GRM8: variants seen among roughly 807,000 people sequenced by gnomAD.
The protein encoded by GRM8 is glutamate metabotropic receptor 8.
In GRM8, 47 loss-of-function variants were observed where a neutral mutation model predicts 87.2. The ratio of observed to expected loss-of-function variants is 0.54; its 90% CI spans 0.43 to 0.69. The LOEUF (loss-of-function observed/expected upper bound fraction) is 0.69, where lower values mean the gene tolerates loss of function less well. GRM8 is among the 30% of genes least tolerant of loss of function. The pLI is 0.00. For missense variants in GRM8, 1,019 were observed against 1,139.2 expected, an observed-to-expected ratio of 0.89 and a Z score of 1.52; for synonymous variants, 396 against 404.5, an observed-to-expected ratio of 0.98 and a Z score of 0.25.
intron 7 of GRM8, among the ~76,000 whole-genome samples, chr7:126,649,309 G>C (rs903371148): frequency 6.6e-6 from 1 of 152,094 alleles, no homozygotes; most frequent in Non-Finnish European, 1.5e-5. Context: ...CTAATCAGCT[G>C]CCAGCACAGC....
At chr7:126,953,106 TAAAAG>T (rs2131618155) in intron 3 of GRM8, among the ~76,000 whole-genome samples, 1 of 152,174 alleles carries the variant, frequency 6.6e-6, no homozygotes, top group Non-Finnish European at 1.5e-5. Flanking sequence ...AATTTAAAGT[TAAAAG>T]AAAAGGTATT....
intron 9 of GRM8, among the ~76,000 whole-genome samples, chr7:126,467,078 G>C (rs888573058): frequency 6.6e-6 from 1 of 151,824 alleles, no homozygotes; most frequent in Non-Finnish European, 1.5e-5. Context: ...ACCTGCCATG[G>C]TGGTTTGCTG....
chr7:127,015,797 T>C (rs554264339), intron 3 of GRM8, among the ~76,000 whole-genome samples: 1 of 152,194 alleles, frequency 6.6e-6, no homozygotes, highest in South Asian at 2.1e-4. Context: ...TATATCAACA[T>C]ACAGAAGGTT....
chr7:126,571,016 C>A (rs1392317708), intron 8 of GRM8, among the ~76,000 whole-genome samples: 4 of 152,154 alleles, frequency 2.6e-5, no homozygotes. Context: ...ATAAATGAGG[C>A]AACATTGCAT....
At chr7:127,094,693 C>G (rs1443332384) in intron 3 of GRM8, among the ~76,000 whole-genome samples, 2 of 152,176 alleles carry the variant, frequency 1.3e-5, no homozygotes, top group African/African-American at 4.8e-5. Context: ...GTTATTCAAG[C>G]CACCCAGTTT....
chr7:126,532,795 A>C (rs1815053966), intron 9 of GRM8, among the ~76,000 whole-genome samples, 157 bp downstream of exon 9: 1 of 64,538 alleles, frequency 1.5e-5, no homozygotes, highest in African/African-American at 5.4e-5. Flanking sequence ...ATATATATAT[A>C]TATATATATA....
At chr7:127,046,867 A>G (rs1419534884) in intron 3 of GRM8, among the ~76,000 whole-genome samples, 1 of 152,158 alleles carries the variant, frequency 6.6e-6, no homozygotes, top group Non-Finnish European at 1.5e-5. Flanking sequence ...TACTCTCTTT[A>G]AAAGACATAT....
intron 2 of GRM8, among the ~76,000 whole-genome samples, chr7:127,200,399 C>T (rs1248309023): frequency 6.6e-6 from 1 of 152,148 alleles, no homozygotes; most frequent in Non-Finnish European, 1.5e-5. Flanking sequence ...TACTTTTTGT[C>T]TAAGTTAAAG....
chr7:126,970,155 T>G (rs1430637666), intron 3 of GRM8, among the ~76,000 whole-genome samples: 1 of 152,150 alleles, frequency 6.6e-6, no homozygotes, highest in East Asian at 1.9e-4. Context: ...GTTTTCAAGA[T>G]GGTAAATGAG....
intron 7 of GRM8, among the ~76,000 whole-genome samples, chr7:126,640,846 C>A (rs774959296): frequency 2.0e-4 from 30 of 152,134 alleles, no homozygotes; most frequent in South Asian, 6.2e-4. Context: ...AGAAGAGCGT[C>A]CCTATCTGAA....
chr7:126,824,967 A>T (rs1391970577), intron 6 of GRM8, among the ~76,000 whole-genome samples: 1 of 152,238 alleles, frequency 6.6e-6, no homozygotes, highest in Non-Finnish European at 1.5e-5. Context: ...CTTCCTCAGG[A>T]TAGTAGTTTG....
At chr7:126,645,752 T>C (rs149654230) in intron 7 of GRM8, among the ~76,000 whole-genome samples, 1,618 of 152,256 alleles carry the variant, frequency 0.011, 24 homozygotes, top group African/African-American at 0.037. Flanking sequence ...AACTTCATGA[T>C]CATTAGTATT....
intron 6 of GRM8, among the ~76,000 whole-genome samples, chr7:126,822,076 C>T (rs1421999015): frequency 6.6e-6 from 1 of 152,196 alleles, no homozygotes; most frequent in African/African-American, 2.4e-5. Flanking sequence ...ACAGAGCTGA[C>T]ACTGTGTCCT....
At chr7:126,669,123 C>T (rs1284532961) in intron 7 of GRM8, among the ~76,000 whole-genome samples, 1 of 152,054 alleles carries the variant, frequency 6.6e-6, no homozygotes, top group South Asian at 2.1e-4. Context: ...ACAGCAAGAA[C>T]ACATGGACAC....
intron 7 of GRM8, among the ~76,000 whole-genome samples, chr7:126,712,950 G>A (rs1347501775): frequency 6.6e-6 from 1 of 152,112 alleles, no homozygotes; most frequent in African/African-American, 2.4e-5. Context: ...GAAAACAGAC[G>A]CTGGTGAGGA....
chr7:126,704,510 C>T (rs1386693427), intron 7 of GRM8, among the ~76,000 whole-genome samples: 1 of 152,204 alleles, frequency 6.6e-6, no homozygotes, highest in Non-Finnish European at 1.5e-5. Context: ...TAACCTTAAA[C>T]TCTGACCACC....
At chr7:126,609,619 T>C in intron 7 of GRM8, 121 bp from the exon 8 acceptor site, 1 of 707,744 alleles carries the variant, frequency 1.4e-6, no homozygotes, top group Non-Finnish European at 2.3e-6. Flanking sequence ...ATGCAAAGAT[T>C]GCAATCCATA....
chr7:126,885,492 T>C (rs758123715), intron 6 of GRM8, among the ~76,000 whole-genome samples: 6 of 152,084 alleles, frequency 3.9e-5, no homozygotes, highest in Non-Finnish European at 7.4e-5. Flanking sequence ...CCTAAAGCAG[T>C]CAGGAGAGTT....
chr7:127,043,629 G>A (rs187301581), intron 3 of GRM8, among the ~76,000 whole-genome samples: 14 of 152,244 alleles, frequency 9.2e-5, no homozygotes, highest in African/African-American at 2.4e-4. Context: ...TGTGGGGAGC[G>A]GGGAGGGATA....
Sources: allele counts gnomAD v4.1 joint callset (sites outside exome capture counted in the v4.1 genomes callset), GRCh38; gene constraint gnomAD v4.1.1; transcripts MANE v1.5; gene names NCBI Gene and HGNC (gene_info 2026-07-23, HGNC 2026-07-21).